DRD4: variants seen among roughly 807,000 people sequenced by gnomAD.
DRD4 encodes the protein dopamine receptor D4.
DRD4 carries 26 observed loss-of-function variants against 22.1 expected under a neutral mutation model. The observed-to-expected ratio is 1.17, with a 90% confidence interval of 0.86 to 1.63. DRD4 has a LOEUF of 1.63. DRD4 is among the 40% of genes most tolerant of loss of function. DRD4 has a pLI of 0.00. For missense variants in DRD4, 913 were observed against 632.4 expected (o/e 1.44, Z -4.76); for synonymous variants, 455 against 306.7 (o/e 1.48, Z -5.05).
At chr11:638,071 C>A (rs1267419030) in intron 1 of DRD4, among the ~76,000 whole-genome samples, 1 of 152,200 alleles carries the variant, frequency 6.6e-6, no homozygotes, top group Non-Finnish European at 1.5e-5. Flanking sequence ...AGGAGGCTCA[C>A]AGCTCGCAGG....
rs1367140126 is a variant in DRD4 at position 637,495 on chromosome 11, C to T, written c.191C>T (p.Ala64Val). 1.3e-6 allele frequency: 2 copies of T among 1,552,662 alleles called. No individual in the cohort carries two copies. The highest frequency in any genetic ancestry group is 1.7e-6 in the Non-Finnish European group (2 of 1,154,942). ...TGCGTGAGCGTGGCCACCGAGCGCG[C>T]CCTGCAGACGCCCACCAACTCCTTC... is the stretch of plus-strand genomic sequence containing the variant. ...LVCVSVATER[A>V]LQTPTNSFIV... is the part of the protein sequence containing the mutation. Residue 64 changes from alanine (A) to valine (V), a missense_variant, in exon 1 of 4, where the codon GCC (alanine) becomes GTC (valine). Transcript: ENST00000176183.
chr11:640,511 TACGTC>T lies in DRD4; in HGVS notation c.1170_1174del (p.Tyr390Ter). 16 of 1,601,220 alleles carry T rather than the reference TACGTC, an allele frequency of 1.0e-5. No homozygotes were observed. Among genetic ancestry groups the T allele is most frequent in the Non-Finnish European group, 1.3e-5 (15 of 1,179,668 alleles). ...GGTCAGCGCCGTCACCTGGCTGGGC[TACGTC>T]AACAGCGCCCTCAACCCCGTCATCT... On this transcript the variant is annotated frameshift_variant, in exon 4 of 4. Coordinates refer to ENST00000176183, the MANE Select transcript of DRD4 (RefSeq NM_000797.4). LOFTEE classifies it high-confidence loss of function.
rs1858103783 is a variant in DRD4 at position 637,992 on chromosome 11, CA to C, written c.285+404del. ...AGCCCCCTGGCTGCCGTGGGACACA[CA>C]CACACACACACTGCCACAGCCACTG... On this transcript the variant is annotated intron_variant, in intron 1 of 3. Coordinates refer to ENST00000176183, the MANE Select transcript of DRD4 (RefSeq NM_000797.4). Among the ~76,000 whole-genome samples, 3 of 151,984 alleles carry C rather than the reference CA, an allele frequency of 2.0e-5. 1 individual carries two copies. The South Asian group carries it at 6.2e-4, about 31-fold the overall frequency.
intron 3 of DRD4, 22 bp downstream of exon 3, chr11:640,328 C>A: frequency 1.8e-6 from 2 of 1,094,304 alleles, no homozygotes; most frequent in South Asian, 1.4e-5. Context: ...TCCTGAGGGG[C>A]GGGGAGGAGA....
intron 2 of DRD4, 43 bp from the exon 3 acceptor site, chr11:639,605 G>A (rs1259161968): frequency 3.0e-6 from 4 of 1,313,824 alleles, no homozygotes; most frequent in Admixed American, 3.8e-5. Context: ...CGCCCTCACC[G>A]CGGCCTGTGC....
Position 640,042 on chromosome 11 carries a change from CCCGCGCCCG to C in DRD4, c.794_802del (p.Pro265_Gly268delinsArg). Reference sequence around the variant, plus strand: ...CCCCTGCGGCCCCGACTGTGCGCCCCCCGCGCCCGGCCTTCCCCGGGGTCCCTGCGGCCC... The same window carrying C: ...CCCCTGCGGCCCCGACTGTGCGCCCCGCCTTCCCCGGGGTCCCTGCGGCCC... On this transcript the variant is annotated inframe_deletion, in exon 3 of 4. Coordinates refer to ENST00000176183, the MANE Select transcript of DRD4 (RefSeq NM_000797.4). The C allele has an allele frequency of 8.4e-7, 1 of 1,189,744 alleles. No homozygotes were observed. Among genetic ancestry groups the C allele is most frequent in the Non-Finnish European group, 1.0e-6 (1 of 955,018 alleles). 73.7% of individuals were successfully genotyped at this position (1,189,744 alleles called of 1,614,324 possible).
In DRD4 at chr11:637,531, T is replaced by TGGC; in HGVS notation, c.231_233dup (p.Ala79dup). 1 of 1,564,534 alleles carries TGGC rather than the reference T, an allele frequency of 6.4e-7. No individual in the cohort carries two copies. On this transcript the variant is annotated inframe_insertion, in exon 1 of 4. Transcript: ENST00000176183. ...CCCACCAACTCCTTCATCGTGAGCC[T>TGGC]GGCGGCCGCCGACCTCCTCCTCGCT...
At chr11:637,636 C>A (rs1858094331) in intron 1 of DRD4, 47 bp downstream of exon 1, 1 of 1,536,464 alleles carries the variant, frequency 6.5e-7, no homozygotes, top group Non-Finnish European at 8.7e-7. Context: ...CTCCTCGGTT[C>A]CCCGTCCCTG....
In DRD4 at chr11:640,018, C is replaced by A. The variant is rs1858179117; in HGVS notation, c.769C>A (p.Pro257Thr). The change falls in exon 3 of 4, where the codon CCC (proline) becomes ACC (threonine). Residue 257 changes from proline (P) to threonine (T), a missense_variant. Physicochemically the swap from Pro to Thr is conservative, Grantham distance 38. Transcript: ENST00000176183. Reference sequence around the variant, plus strand: ...ACCCGCGCCCCGCCTCCCCCAGGACCCCTGCGGCCCCGACTGTGCGCCCCC... The same window carrying A: ...ACCCGCGCCCCGCCTCCCCCAGGACACCTGCGGCCCCGACTGTGCGCCCCC... ...TPPAPRLPQD[P>T]CGPDCAPPAP... 1 of 1,230,250 alleles carries A rather than the reference C, an allele frequency of 8.1e-7. No individual in the cohort carries two copies. Among genetic ancestry groups the A allele is most frequent in the East Asian group, 3.8e-5 (1 of 26,650 alleles). The allele number at this position is 1,230,250 out of a possible 1,614,324, so 76.2% of individuals were successfully genotyped here.
At position 640,138 on chromosome 11, in the gene DRD4, C is replaced by T; in HGVS notation, c.889C>T (p.Pro297Ser). 6.9e-7 allele frequency: 1 copy of T among 1,442,728 alleles called. No homozygotes were observed. 89.4% of individuals were successfully genotyped at this position (1,442,728 alleles called of 1,614,324 possible). A position where few individuals can be genotyped will look rare whatever the true frequency, so the allele number is the denominator to read the frequency against. Residue 297 changes from proline (P) to serine (S), a missense_variant, in exon 3 of 4, where the codon CCC (proline) becomes TCC (serine). By Grantham distance (74) the Pro-to-Ser change is moderately conservative. Transcript: ENST00000176183. ...CCCCTGCGGCCCCGACTGTGCGCCC[C>T]CCGCGCCCGGCCTCCCCCCGGACCC... ...QDPCGPDCAP[P>S]APGLPPDPCG...
intron 1 of DRD4, chr11:638,959 G>C (rs1422685730): frequency 6.1e-6 from 1 of 164,420 alleles, no homozygotes; most frequent in African/African-American, 2.4e-5. Flanking sequence ...GGCTGCGGCT[G>C]TTGTCCCAGC....
At position 639,576 on chromosome 11, in the gene DRD4, G is replaced by C. The variant is rs1858154841; in HGVS notation, c.398+31G>C. The C allele has an allele frequency of 1.2e-5, 16 of 1,335,350 alleles. No homozygotes were observed. In the Admixed American group the frequency reaches 5.7e-4, roughly 47 times the overall value. The allele number at this position is 1,335,350 out of a possible 1,614,324, so 82.7% of individuals were successfully genotyped here. ...CCGCCCTCCCCGCCCGCGCCCCGGCGCCCCCGCGCCCCGCCCGCCGCCCTC... is the reference window on the plus strand; with the variant it reads ...CCGCCCTCCCCGCCCGCGCCCCGGCCCCCCCGCGCCCCGCCCGCCGCCCTC... On this transcript the variant is annotated intron_variant, in intron 2 of 3. Transcript: ENST00000176183.
rs1270155857 is a variant in DRD4 at position 640,014 on chromosome 11, G to C, written c.765G>C (p.Gln255His). The C allele has an allele frequency of 6.8e-6, 8 of 1,180,922 alleles. No individual in the cohort carries two copies. Among genetic ancestry groups the C allele is most frequent in the Non-Finnish European group, 8.3e-6 (8 of 961,712 alleles). The allele number at this position is 1,180,922 out of a possible 1,614,324, so 73.2% of individuals were successfully genotyped here. Residue 255 changes from glutamine to histidine, a missense_variant, in exon 3 of 4, where the codon CAG becomes CAC. By Grantham distance (24) the Gln-to-His change is conservative. Transcript: ENST00000176183. The part of the protein sequence containing the change: ...SPTPPAPRLP[Q>H]DPCGPDCAPP... ...CGCCACCCGCGCCCCGCCTCCCCCA[G>C]GACCCCTGCGGCCCCGACTGTGCGC...
chr11:640,267 C>T lies in DRD4; in HGVS notation c.1018C>T (p.Arg340Trp), dbSNP rs1858198840. 6.5e-7 allele frequency: 1 copy of T among 1,533,250 alleles called. No individual in the cohort carries two copies. Among genetic ancestry groups the T allele is most frequent in the South Asian group, 1.2e-5 (1 of 83,980 alleles). The allele number at this position is 1,533,250 out of a possible 1,614,324, so 95.0% of individuals were successfully genotyped here. Residue 340 changes from arginine (R) to tryptophan (W), a missense_variant, in exon 3 of 4, where the codon CGG becomes TGG. Arg to Trp is a moderately radical substitution (Grantham distance 101). Transcript: ENST00000176183. ...GAGGCGGCGTGCCAAGATCACCGGCCGGGAGCGCAAGGCCATGAGGGTCCT... is the reference window on the plus strand; with the variant it reads ...GAGGCGGCGTGCCAAGATCACCGGCTGGGAGCGCAAGGCCATGAGGGTCCT... ...RRRRRAKITG[R>W]ERKAMRVLPV...
Position 640,297 on chromosome 11 carries a change from G to A in DRD4, c.1048G>A (p.Val350Met), listed in dbSNP as rs1341099655. Residue 350 changes from valine (V) to methionine (M), a missense_variant, in exon 3 of 4, where the codon GTG becomes ATG. By Grantham distance (21) the Val-to-Met change is conservative (BLOSUM62 1). Transcript: ENST00000176183. ...RERKAMRVLPVVVGAFLLCWT... is the reference protein window; with the variant it reads ...RERKAMRVLPMVVGAFLLCWT... The stretch of plus-strand genomic sequence containing the variant: ...GCGCAAGGCCATGAGGGTCCTGCCG[G>A]TGGTGGTCGGTGGGTTCCTGTCCTG... 5 of 1,536,948 alleles carry A rather than the reference G, an allele frequency of 3.3e-6. No individual in the cohort carries two copies. The highest frequency in any genetic ancestry group is 4.4e-6 in the Non-Finnish European group (5 of 1,148,380).
At position 637,364 on chromosome 11, in the gene DRD4, G is replaced by T; in HGVS notation, c.60G>T (p.Ala20=). Residue 20 remains alanine, a synonymous_variant, in exon 1 of 4, where the codon GCG becomes GCT. Transcript: ENST00000176183. ...DGLLAGRGPA[A]GASAGASAGL... Reference sequence around the variant, plus strand: ...TGCTGGCTGGGCGCGGGCCGGCCGCGGGGGCATCTGCGGGGGCATCTGCGG... The same window carrying T: ...TGCTGGCTGGGCGCGGGCCGGCCGCTGGGGCATCTGCGGGGGCATCTGCGG... 3 of 1,135,876 alleles carry T rather than the reference G, an allele frequency of 2.6e-6. No individual in the cohort carries two copies. Among genetic ancestry groups the T allele is most frequent in the Non-Finnish European group, 3.3e-6 (3 of 899,264 alleles). 70.4% of individuals were successfully genotyped at this position (1,135,876 alleles called of 1,614,324 possible).
Position 639,259 on chromosome 11 carries a change from C to T in DRD4, c.286-174C>T, listed in dbSNP as rs943201801. 21 of 642,714 alleles carry T rather than the reference C, an allele frequency of 3.3e-5. No individual in the cohort carries two copies. The East Asian group carries it at 5.2e-4, about 16-fold the overall frequency. 39.8% of individuals were successfully genotyped at this position (642,714 alleles called of 1,614,324 possible). On this transcript the variant is annotated intron_variant, in intron 1 of 3. Coordinates refer to ENST00000176183, the MANE Select transcript of DRD4 (RefSeq NM_000797.4). ...GACACAGCGAGACCCTAACTCAAAA[C>T]AAAGGGAGATCTGCGTGGGGAAGGG... is the stretch of plus-strand genomic sequence containing the variant.
Position 639,294 on chromosome 11 carries a change from T to G in DRD4, c.286-139T>G, listed in dbSNP as rs528239567. 1.4e-4 allele frequency: 106 copies of G among 777,670 alleles called. No individual in the cohort carries two copies. In the South Asian group the frequency reaches 1.5e-3, roughly 11 times the overall value. The allele number at this position is 777,670 out of a possible 1,614,324, so 48.2% of individuals were successfully genotyped here. On this transcript the variant is annotated intron_variant, in intron 1 of 3. Transcript: ENST00000176183. ...TCTGCGTGGGGAAGGGGTGTTTCCC[T>G]GCCCGGTCCTCTGGCCTCTGGCTCA...
intron 1 of DRD4, among the ~76,000 whole-genome samples, chr11:637,820 C>A (rs531718842): frequency 1.3e-5 from 2 of 152,220 alleles, no homozygotes; most frequent in Non-Finnish European, 2.9e-5. Flanking sequence ...TCTCCTTCCC[C>A]GTCTGTCTTG....
Sources: allele counts gnomAD v4.1 joint callset (sites outside exome capture counted in the v4.1 genomes callset), GRCh38; gene constraint gnomAD v4.1.1; transcripts MANE v1.5; gene names NCBI Gene and HGNC (gene_info 2026-07-23, HGNC 2026-07-21).